Variants in ITSN1 observed in about 807,000 individuals in gnomAD.
ITSN1 encodes intersectin 1.
In ITSN1, 58 loss-of-function variants were observed where a neutral mutation model predicts 239.8. That is an observed-to-expected ratio of 0.24 (90% CI 0.20 to 0.30). The LOEUF is 0.30. Ranked by LOEUF, ITSN1 falls within the 10% of genes least tolerant of loss-of-function variation. The pLI, the probability that ITSN1 is intolerant of heterozygous loss-of-function variation, is 1.00. For synonymous variants in ITSN1, 780 were observed against 770.8 expected, an observed-to-expected ratio of 1.01 and a Z score of -0.20; for missense variants, 1,558 against 2,103.3, an observed-to-expected ratio of 0.74 and a Z score of 5.07.
At chr21:33,756,287 CAAAAAAAAAA>C (rs923721086) in intron 8 of ITSN1, among the ~76,000 whole-genome samples, 3 of 56,816 alleles carry the variant, frequency 5.3e-5, no homozygotes, top group South Asian at 6.2e-4. Context: ...GACTCCGTCT[CAAAAAAAAAA>C]AAAAAAAAAA....
At position 33,673,014 on chromosome 21, in the gene ITSN1, G is replaced by A. The variant is rs116847715; in HGVS notation, c.-33+30301G>A. 5.3e-3 allele frequency among the ~76,000 whole-genome samples: 808 copies of A among 152,198 alleles called. 21 individuals carry two copies. The highest frequency in any genetic ancestry group is 0.047 in the East Asian group (243 of 5,168). On this transcript the variant is annotated intron_variant, in intron 1 of 39. Transcript: ENST00000381318. The stretch of plus-strand genomic sequence containing the variant: ...GGGAGGCACCACGCCTGGCGGAAAC[G>A]ATTTAATAAGTGTCTGTTGCCAGAC...
intron 4 of ITSN1, among the ~76,000 whole-genome samples, chr21:33,734,320 A>G (rs1011616392): frequency 1.3e-5 from 2 of 152,304 alleles, no homozygotes; most frequent in African/African-American, 4.8e-5. Flanking sequence ...TTGAGAAAAT[A>G]CTTTACATTA....
intron 5 of ITSN1, among the ~76,000 whole-genome samples, chr21:33,743,918 A>G (rs561606377): frequency 6.6e-6 from 1 of 152,362 alleles, no homozygotes; most frequent in African/African-American, 2.4e-5. Flanking sequence ...GAAAAAACAG[A>G]CAAAACGTTA....
chr21:33,744,936 T>C (rs2067090768), intron 5 of ITSN1, among the ~76,000 whole-genome samples: 1 of 152,282 alleles, frequency 6.6e-6, no homozygotes, highest in Admixed American at 6.5e-5. Flanking sequence ...GCATTTATTA[T>C]GCCTTTTGTA....
chr21:33,692,834 G>A (rs766238479), intron 1 of ITSN1, among the ~76,000 whole-genome samples: 1 of 151,660 alleles, frequency 6.6e-6, no homozygotes, highest in African/African-American at 2.4e-5. Flanking sequence ...GCAGTGGCAC[G>A]ATCTTGGCTT....
chr21:33,654,219 ATTT>A (rs912312736), intron 1 of ITSN1, among the ~76,000 whole-genome samples: 5 of 133,308 alleles, frequency 3.8e-5, no homozygotes, highest in Non-Finnish European at 3.2e-5. Flanking sequence ...CACCTGGCTA[ATTT>A]TTTTTTTTTT....
chr21:33,849,934 A>G (rs551583710), intron 29 of ITSN1, among the ~76,000 whole-genome samples: 1 of 152,258 alleles, frequency 6.6e-6, no homozygotes, highest in Admixed American at 6.5e-5. Flanking sequence ...TACTCATACT[A>G]CAGGAGAGGG....
Position 33,865,127 on chromosome 21 carries a change from C to T in ITSN1, c.3891-24C>T, listed in dbSNP as rs1294304139. 6.3e-7 allele frequency: 1 copy of T among 1,598,096 alleles called. No homozygotes were observed. Among genetic ancestry groups the T allele is most frequent in the East Asian group, 2.2e-5 (1 of 44,572 alleles). ...TGTCAGATAGCGTGAAAGCAGGGGG[C>T]TCACCTCCCGTGTTTCCGTGCAGAG... On this transcript the variant is annotated intron_variant, in intron 31 of 39. Transcript: ENST00000381318. The surrounding 1 kb of genome is among the most constrained non-coding windows in gnomAD (Gnocchi z 4.4).
chr21:33,722,450 G>A, intron 3 of ITSN1, 138 bp from the exon 4 acceptor site: 1 of 1,099,190 alleles, frequency 9.1e-7, no homozygotes, highest in Non-Finnish European at 1.2e-6. Context: ...GCTTATCCTT[G>A]GACTTTTATA....
At chr21:33,746,767 G>A (rs528842265) in intron 5 of ITSN1, among the ~76,000 whole-genome samples, 122 of 152,252 alleles carry the variant, frequency 8.0e-4, no homozygotes, top group Non-Finnish European at 1.4e-3. Context: ...CCTTGAAGCC[G>A]GGAGGCAGAG....
chr21:33,827,395 A>G (rs2074032505), intron 26 of ITSN1, among the ~76,000 whole-genome samples: 1 of 152,028 alleles, frequency 6.6e-6, no homozygotes, highest in Non-Finnish European at 1.5e-5. Context: ...ACAAGACTCT[A>G]TCTCAAAAAA....
intron 33 of ITSN1, among the ~76,000 whole-genome samples, chr21:33,873,239 T>G (rs2148523441): frequency 6.6e-6 from 1 of 152,382 alleles, no homozygotes; most frequent in Non-Finnish European, 1.5e-5. Context: ...CTTAGGACTT[T>G]AAACCACGGT....
At chr21:33,663,395 G>GC (rs11436368) in intron 1 of ITSN1, among the ~76,000 whole-genome samples, 152,391 of 152,392 alleles carry the variant, frequency 1, 76,195 homozygotes, top group Middle Eastern at 1. Context: ...GGGCCGTTAG[G>GC]CATAGCTTTG....
At chr21:33,696,062 T>G (rs2091779019) in intron 1 of ITSN1, among the ~76,000 whole-genome samples, 1 of 152,242 alleles carries the variant, frequency 6.6e-6, no homozygotes. Flanking sequence ...TGATAAATCT[T>G]GTGCATAGAA....
intron 1 of ITSN1, among the ~76,000 whole-genome samples, chr21:33,709,982 C>A (rs755806172): frequency 2.0e-4 from 31 of 152,012 alleles, no homozygotes; most frequent in Admixed American, 8.5e-4. Context: ...AGTCTTTAAC[C>A]GTTAACTGTG....
chr21:33,802,676 G>T (rs551801525), intron 20 of ITSN1, among the ~76,000 whole-genome samples: 2 of 152,296 alleles, frequency 1.3e-5, no homozygotes, highest in East Asian at 3.9e-4. Flanking sequence ...TAACTTGAAT[G>T]CTCTGTGTTT....
intron 5 of ITSN1, among the ~76,000 whole-genome samples, chr21:33,737,325 T>TC (rs1037462961): frequency 2.6e-5 from 4 of 152,032 alleles, no homozygotes; most frequent in African/African-American, 9.7e-5. Context: ...CCATCACTCT[T>TC]CCCCCCAGAC....
At chr21:33,731,045 TC>T (rs1191956766) in intron 4 of ITSN1, among the ~76,000 whole-genome samples, 1 of 152,222 alleles carries the variant, frequency 6.6e-6, no homozygotes, top group African/African-American at 2.4e-5. Context: ...TACCAGGGAT[TC>T]CCCACAGTTA....
intron 22 of ITSN1, 56 bp from the exon 23 acceptor site, chr21:33,818,211 C>G (rs2073416063): frequency 6.7e-7 from 1 of 1,484,148 alleles, no homozygotes; most frequent in Admixed American, 1.7e-5. Context: ...CACGTCTGCC[C>G]TAATTGATAA....
Sources: gnomAD v4.1 joint callset for allele counts (sites outside exome capture counted in the v4.1 genomes callset) on GRCh38, gnomAD v4.1.1 for gene constraint, Gnocchi (gnomAD v3.1) non-coding constraint, MANE v1.5 for transcripts, NCBI Gene and HGNC (gene_info 2026-07-23, HGNC 2026-07-21) for gene names.